Variants in PREP observed in about 807,000 individuals in gnomAD.
PREP encodes prolyl endopeptidase.
A neutral mutation model predicts 87.6 loss-of-function variants in PREP; 29 were observed. The ratio of observed to expected loss-of-function variants is 0.33; its 90% confidence interval spans 0.25 to 0.45. The LOEUF (loss-of-function observed/expected upper bound fraction) is 0.45. PREP is among the 20% of genes least tolerant of loss of function. PREP has a pLI of 1.00. For synonymous variants in PREP, 337 were observed against 328.6 expected (o/e 1.03, Z -0.28); for missense variants, 695 against 886.5 (o/e 0.78, Z 2.74).
intron 10 of PREP, among the ~76,000 whole-genome samples, chr6:105,296,741 G>A (rs1254566645): frequency 2.0e-5 from 3 of 152,134 alleles, no homozygotes; most frequent in African/African-American, 4.8e-5. Flanking sequence ...CCTGGGTGGA[G>A]TATTTCTCTG....
intron 10 of PREP, among the ~76,000 whole-genome samples, chr6:105,291,716 C>T (rs1770300213): frequency 6.6e-6 from 1 of 152,166 alleles, no homozygotes; most frequent in Non-Finnish European, 1.5e-5. Flanking sequence ...GTTTAATAAA[C>T]TCCTGTCCTT....
intron 8 of PREP, among the ~76,000 whole-genome samples, 175 bp from the exon 9 acceptor site, chr6:105,329,201 T>G (rs1468419381): frequency 6.6e-6 from 1 of 151,936 alleles, no homozygotes; most frequent in Non-Finnish European, 1.5e-5. Flanking sequence ...CGCCCAGGCT[T>G]GAGTACAGTA....
Position 105,402,941 on chromosome 6 carries a change from G to C in PREP, c.-50C>G. ...GTGGAGGGGCGCGGGCTCCGGGAGC[G>C]GACCTGAGCTAGCCGGGCTGGCCGC... On this transcript the variant is annotated 5_prime_UTR_variant, in exon 1 of 15. Transcript: ENST00000652536. The C allele has an allele frequency of 8.7e-7, 1 of 1,155,250 alleles. No homozygotes were observed. Among genetic ancestry groups the C allele is most frequent in the Non-Finnish European group, 1.2e-6 (1 of 847,786 alleles). The allele number at this position is 1,155,250 out of a possible 1,614,324, so 71.6% of individuals were successfully genotyped here.
At chr6:105,354,835 T>G (rs952216820) in intron 6 of PREP, among the ~76,000 whole-genome samples, 2 of 152,220 alleles carry the variant, frequency 1.3e-5, no homozygotes, top group Admixed American at 1.3e-4. Flanking sequence ...CTATTAGCTC[T>G]TTTCTCTAGT....
intron 10 of PREP, among the ~76,000 whole-genome samples, chr6:105,313,193 T>A (rs960403942): frequency 1.1e-4 from 16 of 152,260 alleles, no homozygotes; most frequent in African/African-American, 3.4e-4. Flanking sequence ...CACAGACCAA[T>A]GACAGTAATG....
At position 105,389,806 on chromosome 6, in the gene PREP, T is replaced by C. The variant is rs117489917; in HGVS notation, c.120+8047A>G. On this transcript the variant is annotated intron_variant, in intron 2 of 14. Transcript: ENST00000652536. The stretch of plus-strand genomic sequence containing the variant: ...GCACATGATCCAGGCAGTCCTAGGC[T>C]AGACCGACACCGAAATTGACACCAG... Among the ~76,000 whole-genome samples, 216 of 152,226 alleles carry C rather than the reference T, an allele frequency of 1.4e-3. 2 individuals are homozygous for C. Among genetic ancestry groups the C allele is most frequent in the Non-Finnish European group, 2.5e-3 (172 of 68,016 alleles).
intron 6 of PREP, among the ~76,000 whole-genome samples, chr6:105,367,056 C>A (rs951288160): frequency 6.6e-6 from 1 of 152,096 alleles, no homozygotes; most frequent in Non-Finnish European, 1.5e-5. Context: ...AACTTAATGC[C>A]ACTGAACTTG....
Position 105,278,030 on chromosome 6 carries a change from G to A in PREP, c.*114C>T, listed in dbSNP as rs1583030912. The A allele has an allele frequency of 1.5e-6, 2 of 1,333,034 alleles. No individual in the cohort carries two copies. The highest frequency in any genetic ancestry group is 2.1e-6 in the Non-Finnish European group (2 of 966,072). The allele number at this position is 1,333,034 out of a possible 1,614,324, so 82.6% of individuals were successfully genotyped here. A position where few individuals can be genotyped will look rare whatever the true frequency, so the allele number is the denominator to read the frequency against. On this transcript the variant is annotated 3_prime_UTR_variant, in exon 15 of 15. Transcript: ENST00000652536. This position sits in a 1 kb window ranked among gnomAD's most constrained non-coding sequence, Gnocchi z 4.2. ...GCAGTTCTGTTCAACTGTAGCCTGT[G>A]AGTGCAGGAATAATGTTCCCGTGGG... is the stretch of plus-strand genomic sequence containing the variant.
intron 7 of PREP, among the ~76,000 whole-genome samples, chr6:105,344,609 T>A (rs899479640): frequency 6.6e-5 from 10 of 151,006 alleles, no homozygotes; most frequent in African/African-American, 2.4e-4. Context: ...ATGTTCTCAC[T>A]CATAGGTGGG....
chr6:105,329,897 G>GGA (rs1375568738), intron 8 of PREP, among the ~76,000 whole-genome samples: 2 of 152,218 alleles, frequency 1.3e-5, no homozygotes, highest in African/African-American at 4.8e-5. Context: ...CTCAAGTGCA[G>GGA]GAGTGTGGAG....
chr6:105,400,710 G>T (rs1472853204), intron 1 of PREP, among the ~76,000 whole-genome samples: 1 of 152,148 alleles, frequency 6.6e-6, no homozygotes, highest in Non-Finnish European at 1.5e-5. Context: ...AATGGTCGAT[G>T]GTATTGCACA....
rs1422833423 is a variant in PREP, at chr6:105,278,745, G to A, written c.1839-307C>T. ...AGGTGAGTAGTTTCATATTCTCTAG[G>A]CTTTTTTTTTACTGCTACAAAGTGG... is the stretch of plus-strand genomic sequence containing the variant. On this transcript the variant is annotated intron_variant, in intron 14 of 14. Transcript: ENST00000652536. The surrounding 1 kb of genome is among the most constrained non-coding windows in gnomAD (Gnocchi z 4.2). Among the ~76,000 whole-genome samples the A allele has an allele frequency of 6.6e-6, 1 of 151,826 alleles. No individual in the cohort carries two copies. The highest frequency in any genetic ancestry group is 2.4e-5 in the African/African-American group (1 of 41,386).
chr6:105,294,971 C>A (rs1202017582), intron 10 of PREP, among the ~76,000 whole-genome samples: 2 of 152,126 alleles, frequency 1.3e-5, no homozygotes, highest in Non-Finnish European at 2.9e-5. Flanking sequence ...TAATTCTGAC[C>A]CTAACCCATT....
chr6:105,300,651 T>C (rs1446182238), intron 10 of PREP, among the ~76,000 whole-genome samples: 1 of 151,244 alleles, frequency 6.6e-6, no homozygotes, highest in Non-Finnish European at 1.5e-5. Context: ...GAAGAAATGG[T>C]GTACATTTAT....
chr6:105,288,296 T>C (rs1654181547), intron 11 of PREP, among the ~76,000 whole-genome samples: 1 of 152,232 alleles, frequency 6.6e-6, no homozygotes, highest in South Asian at 2.1e-4. Context: ...CTGGTCAACA[T>C]TTCAGATAGT....
At chr6:105,385,224 T>C (rs1053918219) in intron 2 of PREP, among the ~76,000 whole-genome samples, 17 of 112,704 alleles carry the variant, frequency 1.5e-4, no homozygotes, top group African/African-American at 5.4e-4. Context: ...CAAGAGAAAA[T>C]AAGAAATCAA....
intron 10 of PREP, among the ~76,000 whole-genome samples, chr6:105,311,449 T>C (rs190273688): frequency 6.6e-6 from 1 of 152,346 alleles, no homozygotes; most frequent in East Asian, 1.9e-4. Context: ...GTCCCCCATT[T>C]TCACTTGGTT....
rs1034300735 is a variant in PREP, at chr6:105,290,515, C to A, written c.1318-1621G>T. 2.0e-5 allele frequency among the ~76,000 whole-genome samples: 3 copies of A among 152,174 alleles called. No homozygotes were observed. The East Asian group carries it at 5.8e-4, about 29-fold the overall frequency. ...AGCTGAATTCTCCCCAGGCTGACCCCTCCTCATGTACCCTGATCTTCATGC... is the reference window on the plus strand; with the variant it reads ...AGCTGAATTCTCCCCAGGCTGACCCATCCTCATGTACCCTGATCTTCATGC... On this transcript the variant is annotated intron_variant, in intron 10 of 14. Coordinates refer to ENST00000652536, the MANE Select transcript of PREP (RefSeq NM_002726.5).
At chr6:105,344,208 C>T (rs539098289) in intron 7 of PREP, among the ~76,000 whole-genome samples, 95 of 152,162 alleles carry the variant, frequency 6.2e-4, no homozygotes, top group African/African-American at 2.1e-3. Flanking sequence ...GGGATGAGTT[C>T]GGCTGGGCGC....
Sources: allele counts gnomAD v4.1 joint callset (sites outside exome capture counted in the v4.1 genomes callset), GRCh38; gene constraint gnomAD v4.1.1; non-coding constraint Gnocchi (gnomAD v3.1); transcripts MANE v1.5; gene names NCBI Gene and HGNC (gene_info 2026-07-23, HGNC 2026-07-21).